Variants in GRID1 observed in about 807,000 individuals in gnomAD.
GRID1 encodes the protein glutamate receptor ionotropic, delta-1.
GRID1 carries 28 observed loss-of-function variants against 98.0 expected under a neutral mutation model. The ratio of observed to expected loss-of-function variants is 0.29; its 90% CI spans 0.21 to 0.39. The LOEUF (loss-of-function observed/expected upper bound fraction) is 0.39. Ranked by LOEUF, GRID1 falls within the 10% of genes least tolerant of loss-of-function variation. The pLI, the probability that GRID1 is intolerant of heterozygous loss-of-function variation, is 1.00. For missense variants in GRID1, 1,111 were observed against 1,340.5 expected (o/e 0.83, Z 2.67); for synonymous variants, 553 against 538.5 (o/e 1.03, Z -0.37).
intron 15 of GRID1, 146 bp from the exon 16 acceptor site, chr10:85,602,847 C>T (rs892119615): frequency 1.6e-6 from 1 of 616,898 alleles, no homozygotes. Context: ...TCCCACCTCC[C>T]CTCAATTATA....
intron 8 of GRID1, among the ~76,000 whole-genome samples, chr10:85,797,872 C>T (rs375568820): frequency 4.6e-5 from 7 of 152,288 alleles, no homozygotes; most frequent in African/African-American, 1.7e-4. Context: ...GCATTATAGC[C>T]TCCAGCTTCA....
chr10:86,231,211 A>G (rs1846446940), intron 2 of GRID1, among the ~76,000 whole-genome samples: 1 of 152,178 alleles, frequency 6.6e-6, no homozygotes, highest in South Asian at 2.1e-4. Flanking sequence ...TCAAATTCCA[A>G]GCGGAAATGG....
At chr10:85,732,752 T>A (rs866065791) in intron 8 of GRID1, among the ~76,000 whole-genome samples, 1 of 152,332 alleles carries the variant, frequency 6.6e-6, no homozygotes, top group South Asian at 2.1e-4. Context: ...AATATTCTAA[T>A]GAATTCCTTT....
chr10:85,906,217 C>A (rs1415151899), intron 5 of GRID1, among the ~76,000 whole-genome samples: 1 of 152,052 alleles, frequency 6.6e-6, no homozygotes, highest in African/African-American at 2.4e-5. Flanking sequence ...AAATCCTAAG[C>A]ATTTATGCCC....
In GRID1 at chr10:85,956,540, C is replaced by T. The variant is rs150038041; in HGVS notation, c.727-40301G>A. ...AAATGGGGCAGGTGGGGATTAAGTG[C>T]GGTTTTGACCACAAGGGACCATCTT... On this transcript the variant is annotated intron_variant, in intron 4 of 15. Transcript: ENST00000327946. Among the ~76,000 whole-genome samples, 159 of 152,228 alleles carry T rather than the reference C, an allele frequency of 1.0e-3. 1 individual carries two copies. Among genetic ancestry groups the T allele is most frequent in the Non-Finnish European group, 1.5e-3 (100 of 68,018 alleles).
intron 3 of GRID1, among the ~76,000 whole-genome samples, chr10:86,162,857 G>A (rs1030318917): frequency 2.0e-5 from 3 of 152,126 alleles, no homozygotes; most frequent in African/African-American, 7.2e-5. Context: ...GGGCTCCTGC[G>A]AACAGAGTCC....
At chr10:86,281,559 C>A (rs561360111) in intron 2 of GRID1, among the ~76,000 whole-genome samples, 1 of 152,128 alleles carries the variant, frequency 6.6e-6, no homozygotes, top group Non-Finnish European at 1.5e-5. Flanking sequence ...GGAACTATGG[C>A]CAAAAGCAAC....
At chr10:86,048,359 C>T (rs899738073) in intron 4 of GRID1, among the ~76,000 whole-genome samples, 5 of 152,092 alleles carry the variant, frequency 3.3e-5, no homozygotes, top group Admixed American at 6.5e-5. Flanking sequence ...AGTCTATTTA[C>T]GTAATTACTT....
chr10:86,294,717 G>A (rs980064456), intron 2 of GRID1, among the ~76,000 whole-genome samples: 2 of 152,228 alleles, frequency 1.3e-5, no homozygotes, highest in East Asian at 1.9e-4. Context: ...CAGAGCTAAC[G>A]AGAGAGGCAA....
At chr10:85,852,672 CAG>C (rs772611917) in intron 8 of GRID1, among the ~76,000 whole-genome samples, 3 of 152,192 alleles carry the variant, frequency 2.0e-5, no homozygotes, top group Non-Finnish European at 2.9e-5. Flanking sequence ...TTTTTCACAC[CAG>C]AGTGATTGAA....
intron 4 of GRID1, among the ~76,000 whole-genome samples, chr10:85,954,551 T>C (rs377171449): frequency 2.0e-5 from 3 of 152,308 alleles, no homozygotes; most frequent in East Asian, 1.9e-4. Context: ...GGAATCATTA[T>C]AAAAGGGCCA....
chr10:86,330,163 C>T (rs1848118917), intron 2 of GRID1, among the ~76,000 whole-genome samples: 1 of 152,204 alleles, frequency 6.6e-6, no homozygotes, highest in Non-Finnish European at 1.5e-5. Flanking sequence ...TCCCCAGCCC[C>T]GGGGAGGGCC....
chr10:85,799,972 G>T (rs1417279638), intron 8 of GRID1, among the ~76,000 whole-genome samples: 1 of 151,920 alleles, frequency 6.6e-6, no homozygotes, highest in Non-Finnish European at 1.5e-5. Context: ...ACATCACACT[G>T]TACCCTATAA....
intron 2 of GRID1, among the ~76,000 whole-genome samples, chr10:86,228,702 C>T (rs1003498386): frequency 6.6e-6 from 1 of 151,362 alleles, no homozygotes; most frequent in Non-Finnish European, 1.5e-5. Context: ...AGCTCCAGCC[C>T]ACAGCAGAGC....
At chr10:85,722,512 A>G (rs1006829181) in intron 12 of GRID1, among the ~76,000 whole-genome samples, 3 of 152,152 alleles carry the variant, frequency 2.0e-5, no homozygotes, top group Non-Finnish European at 4.4e-5. Context: ...AAACATGAAG[A>G]CACATTTTTA....
intron 2 of GRID1, among the ~76,000 whole-genome samples, chr10:86,312,182 T>C (rs181579742): frequency 6.6e-6 from 1 of 152,348 alleles, no homozygotes; most frequent in Non-Finnish European, 1.5e-5. Context: ...CAAATGTTTC[T>C]AGATGGCTTA....
chr10:85,670,321 G>A (rs2086347711), intron 12 of GRID1, among the ~76,000 whole-genome samples: 2 of 152,206 alleles, frequency 1.3e-5, no homozygotes, highest in South Asian at 4.1e-4. Context: ...GGGCACCAAT[G>A]CTGAGACTTG....
At chr10:86,282,672 T>C (rs1395759168) in intron 2 of GRID1, among the ~76,000 whole-genome samples, 2 of 152,014 alleles carry the variant, frequency 1.3e-5, no homozygotes, top group African/African-American at 4.8e-5. Context: ...TTACAGAGAG[T>C]GCTGGCCTCT....
intron 12 of GRID1, among the ~76,000 whole-genome samples, chr10:85,708,118 A>AC (rs35135980): frequency 0.018 from 2,259 of 125,622 alleles, 55 homozygotes; most frequent in African/African-American, 0.071. Flanking sequence ...TATAATAAAA[A>AC]AAAAAAAAAA....
Sources: allele counts gnomAD v4.1 joint callset (sites outside exome capture counted in the v4.1 genomes callset), GRCh38; gene constraint gnomAD v4.1.1; transcripts MANE v1.5; gene names NCBI Gene and HGNC (gene_info 2026-07-23, HGNC 2026-07-21).